The following SMARCAD1 variants were observed in gnomAD, a reference collection of about 807,000 sequenced individuals.
The protein encoded by SMARCAD1 is SWI/SNF-related matrix-associated actin-dependent regulator of chromatin subfamily A containing DEAD/H box 1.
A neutral mutation model predicts 127.1 loss-of-function variants in SMARCAD1; 25 were observed. The observed-to-expected ratio is 0.20, with a 90% CI of 0.14 to 0.27. The LOEUF (loss-of-function observed/expected upper bound fraction) is 0.27, where lower values mean the gene tolerates loss of function less well. Among genes scored for constraint, SMARCAD1 ranks in the 10% least tolerant of loss-of-function variants. SMARCAD1 has a pLI of 1.00. For synonymous variants in SMARCAD1, 400 were observed against 396.9 expected (o/e 1.01, Z -0.09); for missense variants, 807 against 1,206.0 (o/e 0.67, Z 4.90).
Position 94,233,996 on chromosome 4 carries a change from C to T in SMARCAD1, c.411C>T (p.Thr137=), listed in dbSNP as rs1746253570. Residue 137 remains threonine (T), a synonymous_variant, in exon 4 of 24, where the codon ACC becomes ACT. Transcript: ENST00000354268. ...ATGAAGAGTCCCAAGGCCTTCCTAC[C>T]ATGGCACGTAGAAATGATGATATTT... ...SEDEESQGLP[T]MARRNDDISE... 9 of 1,613,692 alleles carry T rather than the reference C, an allele frequency of 5.6e-6. No individual in the cohort carries two copies. The highest frequency in any genetic ancestry group is 7.6e-6 in the Non-Finnish European group (9 of 1,179,792).
intron 9 of SMARCAD1, among the ~76,000 whole-genome samples, chr4:94,258,178 A>G (rs1266432414): frequency 6.7e-6 from 1 of 149,846 alleles, no homozygotes; most frequent in Non-Finnish European, 1.5e-5. Flanking sequence ...CTTCTTTCAG[A>G]CAGTCTTGCC....
intron 4 of SMARCAD1, among the ~76,000 whole-genome samples, chr4:94,236,005 A>G (rs4235050): frequency 0.55 from 83,395 of 151,912 alleles, 23,401 homozygotes; most frequent in East Asian, 0.72. Context: ...CAGTTCTAGA[A>G]ATTTAAAGGT....
chr4:94,219,568 GCATACCACT>G (rs1392655636), intron 2 of SMARCAD1, among the ~76,000 whole-genome samples: 1 of 152,066 alleles, frequency 6.6e-6, no homozygotes, highest in Non-Finnish European at 1.5e-5. Flanking sequence ...CTTCTTTTAT[GCATACCACT>G]CATACCACTG....
In SMARCAD1 at chr4:94,226,355, A is replaced by G. The variant is rs561988857; in HGVS notation, c.368+59A>G. On this transcript the variant is annotated intron_variant, in intron 3 of 23. Coordinates refer to ENST00000354268, the MANE Select transcript of SMARCAD1 (RefSeq NM_020159.5). ...GTGTGTGAGATTTTCCAAGAAAAAAACCTACCTAATTTGAGATATTTTGGT... is the reference window on the plus strand; with the variant it reads ...GTGTGTGAGATTTTCCAAGAAAAAAGCCTACCTAATTTGAGATATTTTGGT... 8.5e-5 allele frequency: 124 copies of G among 1,461,184 alleles called. No individual in the cohort carries two copies. The East Asian group carries it at 2.7e-3, about 32-fold the overall frequency. 90.5% of individuals were successfully genotyped at this position (1,461,184 alleles called of 1,614,324 possible).
chr4:94,284,076 C>T (rs1169701412), intron 22 of SMARCAD1, among the ~76,000 whole-genome samples: 2 of 151,700 alleles, frequency 1.3e-5, no homozygotes, highest in Non-Finnish European at 2.9e-5. Flanking sequence ...AATCCTAGCA[C>T]TTTGGGAGGC....
In SMARCAD1 at chr4:94,250,823, A is replaced by G. The variant is rs1040596149; in HGVS notation, c.879A>G (p.Ala293=). ...CTTTAGAATCTCTAAAAGTGTTTGC[A>G]GAAGACCAAGGTAATTATTCTGGGT... is the stretch of plus-strand genomic sequence containing the variant. ...TEALESLKVF[A]EDQDMQYVSQ... Residue 293 remains alanine, a synonymous_variant, in exon 8 of 24, where the codon GCA becomes GCG. Coordinates refer to ENST00000354268, the MANE Select transcript of SMARCAD1 (RefSeq NM_020159.5). 1.9e-6 allele frequency: 3 copies of G among 1,611,154 alleles called. No individual in the cohort carries two copies. Among genetic ancestry groups the G allele is most frequent in the Non-Finnish European group, 2.5e-6 (3 of 1,177,660 alleles).
chr4:94,256,662 C>T (rs931087990), intron 9 of SMARCAD1, among the ~76,000 whole-genome samples: 1 of 152,132 alleles, frequency 6.6e-6, no homozygotes, highest in Non-Finnish European at 1.5e-5. Context: ...TGCATCTGGT[C>T]CTTTGCTTTG....
At chr4:94,283,494 C>A (rs1241382324) in intron 22 of SMARCAD1, among the ~76,000 whole-genome samples, 191 bp downstream of exon 22, 1 of 152,150 alleles carries the variant, frequency 6.6e-6, no homozygotes, top group Non-Finnish European at 1.5e-5. Flanking sequence ...TAGTAATTAT[C>A]CACCCACATT....
Position 94,290,701 on chromosome 4 carries a change from G to A in SMARCAD1, c.*1167G>A, listed in dbSNP as rs1330151969. On this transcript the variant is annotated 3_prime_UTR_variant, in exon 24 of 24. Coordinates refer to ENST00000354268, the MANE Select transcript of SMARCAD1 (RefSeq NM_020159.5). Reference sequence around the variant, plus strand: ...TTATTAAATCTTTCTTTAAATTTCTGCCTGTCAGTCTATATTGCTGTTTTT... The same window carrying A: ...TTATTAAATCTTTCTTTAAATTTCTACCTGTCAGTCTATATTGCTGTTTTT... 1 of 443,862 alleles carries A rather than the reference G, an allele frequency of 2.3e-6. No individual in the cohort carries two copies. Among genetic ancestry groups the A allele is most frequent in the East Asian group, 7.0e-5 (1 of 14,316 alleles). 27.5% of individuals were successfully genotyped at this position (443,862 alleles called of 1,614,324 possible). A position where few individuals can be genotyped will look rare whatever the true frequency, so the allele number is the denominator to read the frequency against.
At chr4:94,235,840 A>C (rs543269752) in intron 4 of SMARCAD1, among the ~76,000 whole-genome samples, 6 of 152,194 alleles carry the variant, frequency 3.9e-5, no homozygotes, top group African/African-American at 1.4e-4. Context: ...TCTTGTAAAA[A>C]TCTTTCTAAT....
rs757387317 is a variant in SMARCAD1, at chr4:94,283,148, C to T, written c.2754C>T (p.Thr918=). 30 of 1,613,020 alleles carry T rather than the reference C, an allele frequency of 1.9e-5. No individual in the cohort carries two copies. Among genetic ancestry groups the T allele is most frequent in the African/African-American group, 2.7e-5 (2 of 74,724 alleles). Residue 918 remains threonine (T), a synonymous_variant, in exon 22 of 24, where the codon ACC becomes ACT. Transcript: ENST00000354268. ...ERIHLIDEFN[T]DMDIFVFLLS... ...TTCATCTAATTGATGAGTTTAATACCGATATGGATATCTTTGTGTTTCTGC... is the reference window on the plus strand; with the variant it reads ...TTCATCTAATTGATGAGTTTAATACTGATATGGATATCTTTGTGTTTCTGC...
chr4:94,278,421 G>A lies in SMARCAD1; in HGVS notation c.2083-1G>A. Reference sequence around the variant, plus strand: ...AAAGGATATGTTTTTATTTTGCTCAGAAATCAGCAGATGAGCAAAGCATAT... The same window carrying A: ...AAAGGATATGTTTTTATTTTGCTCAAAAATCAGCAGATGAGCAAAGCATAT... On this transcript the variant is annotated splice_acceptor_variant, in intron 16 of 23. Coordinates refer to ENST00000354268, the MANE Select transcript of SMARCAD1 (RefSeq NM_020159.5). LOFTEE classifies it high-confidence loss of function. 6.2e-7 allele frequency: 1 copy of A among 1,611,060 alleles called. No homozygotes were observed.
chr4:94,234,304 T>C (rs773713472), intron 4 of SMARCAD1, among the ~76,000 whole-genome samples, 182 bp downstream of exon 4: 39 of 152,370 alleles, frequency 2.6e-4, no homozygotes, highest in Non-Finnish European at 4.6e-4. Flanking sequence ...TTTTAATAGA[T>C]GAGGTTATTT....
intron 12 of SMARCAD1, among the ~76,000 whole-genome samples, chr4:94,274,431 C>T (rs1244868032): frequency 6.6e-6 from 1 of 152,150 alleles, no homozygotes; most frequent in Non-Finnish European, 1.5e-5. Context: ...GTTCTCGTGC[C>T]TCAGCCTCCC....
intron 10 of SMARCAD1, among the ~76,000 whole-genome samples, chr4:94,269,954 T>C (rs1478669462): frequency 6.6e-6 from 1 of 152,108 alleles, no homozygotes; most frequent in Non-Finnish European, 1.5e-5. Context: ...ATTACGGGCA[T>C]GAGCCACTGT....
At position 94,208,515 on chromosome 4, in the gene SMARCAD1, G is replaced by C. The variant is rs752372963; in HGVS notation, c.121G>C (p.Glu41Gln). Reference protein sequence around the residue: ...GPSSPISLSAEEENAEGEVSR... With the variant: ...GPSSPISLSAQEENAEGEVSR... ...TTCTTCACCAATTTCTCTTAGTGCTGAAGAGGAGAATGCTGAAGGGGAAGT... is the reference window on the plus strand; with the variant it reads ...TTCTTCACCAATTTCTCTTAGTGCTCAAGAGGAGAATGCTGAAGGGGAAGT... Residue 41 changes from glutamate to glutamine, a missense_variant, in exon 2 of 24, where the codon GAA becomes CAA. Physicochemically the swap from Glu to Gln is conservative, Grantham distance 29. Transcript: ENST00000354268. The C allele has an allele frequency of 1.2e-6, 2 of 1,614,138 alleles. No individual in the cohort carries two copies. The highest frequency in any genetic ancestry group is 2.2e-5 in the South Asian group (2 of 91,082).
intron 9 of SMARCAD1, among the ~76,000 whole-genome samples, chr4:94,258,347 G>C (rs1466090796): frequency 6.6e-6 from 1 of 152,008 alleles, no homozygotes; most frequent in Admixed American, 6.6e-5. Flanking sequence ...CAGAGACGGA[G>C]TTTCATGATG....
intron 6 of SMARCAD1, among the ~76,000 whole-genome samples, chr4:94,246,727 AG>A (rs1748484875): frequency 6.6e-6 from 1 of 152,184 alleles, no homozygotes; most frequent in Non-Finnish European, 1.5e-5. Flanking sequence ...ATGTCAGTAT[AG>A]TGGATCAAGT....
At chr4:94,234,215 A>G in intron 4 of SMARCAD1, 93 bp downstream of exon 4, 1 of 1,147,804 alleles carries the variant, frequency 8.7e-7, no homozygotes, top group East Asian at 2.6e-5. Flanking sequence ...TTTTCTAAAG[A>G]TATCTTACGT....
Sources: gnomAD v4.1 joint callset for allele counts (sites outside exome capture counted in the v4.1 genomes callset) on GRCh38, gnomAD v4.1.1 for gene constraint, MANE v1.5 for transcripts, NCBI Gene and HGNC (gene_info 2026-07-23, HGNC 2026-07-21) for gene names.